BMAL1: variants seen among roughly 807,000 people sequenced by gnomAD.
The protein encoded by BMAL1 is basic helix-loop-helix ARNT-like protein 1.
At chr11:13,334,528 G>GTT in the BMAL1 span, among the ~76,000 whole-genome samples, 1,432 of 145,366 alleles carry the variant, frequency 9.9e-3, 11 homozygotes, top group African/African-American at 0.017. Context: ...GGCTCTTGAT[G>GTT]TTTTTTTTTT....
chr11:13,310,366 C>T, the BMAL1 span, among the ~76,000 whole-genome samples: 20 of 151,908 alleles, frequency 1.3e-4, no homozygotes, highest in African/African-American at 3.9e-4. Context: ...GAAAAAAGTC[C>T]GGGGAGGAGT....
the BMAL1 span, among the ~76,000 whole-genome samples, chr11:13,314,668 T>G: frequency 2.3e-4 from 35 of 152,352 alleles, no homozygotes; most frequent in Non-Finnish European, 4.0e-4. Context: ...ACCTTGGTCC[T>G]GGATGAATCC....
At chr11:13,308,383 A>G in the BMAL1 span, among the ~76,000 whole-genome samples, 9 of 152,284 alleles carry the variant, frequency 5.9e-5, no homozygotes, top group African/African-American at 2.2e-4. Context: ...CCAGGCTTGG[A>G]GAGAAATCTG....
chr11:13,363,670 A>G, the BMAL1 span, among the ~76,000 whole-genome samples: 16 of 152,342 alleles, frequency 1.1e-4, no homozygotes, highest in Admixed American at 9.8e-4. Flanking sequence ...GGATCAGTCA[A>G]CTGTATCAGT....
the BMAL1 span, among the ~76,000 whole-genome samples, chr11:13,311,069 T>C: frequency 9.9e-5 from 15 of 152,244 alleles, no homozygotes; most frequent in Admixed American, 5.9e-4. Flanking sequence ...TTAAGCTTGC[T>C]TGTTTACGGT....
the BMAL1 span, among the ~76,000 whole-genome samples, chr11:13,321,451 G>A: frequency 6.6e-6 from 1 of 152,136 alleles, no homozygotes. Context: ...TTAATATACT[G>A]AATATTATAC....
the BMAL1 span, among the ~76,000 whole-genome samples, chr11:13,335,605 A>C: frequency 6.6e-6 from 1 of 152,232 alleles, no homozygotes; most frequent in African/African-American, 2.4e-5. Context: ...TCTTGTGGGC[A>C]AAACCCTGCT....
chr11:13,279,045 C>T, the BMAL1 span, among the ~76,000 whole-genome samples: 1 of 152,288 alleles, frequency 6.6e-6, no homozygotes, highest in Non-Finnish European at 1.5e-5. Context: ...TCTCGCCGGC[C>T]GGTGAGAGAC....
chr11:13,383,628 T>C, the BMAL1 span, among the ~76,000 whole-genome samples: 1 of 152,122 alleles, frequency 6.6e-6, no homozygotes, highest in Non-Finnish European at 1.5e-5. Context: ...GCAGGCAAAC[T>C]GCTTGAGTCC....
At chr11:13,277,937 C>T in the BMAL1 span, 3 of 151,292 alleles carry the variant, frequency 2.0e-5, no homozygotes, top group Admixed American at 2.0e-4. Flanking sequence ...AGTGTCAGGC[C>T]GGCGGCGGCC....
At chr11:13,286,892 G>T in the BMAL1 span, among the ~76,000 whole-genome samples, 1 of 152,208 alleles carries the variant, frequency 6.6e-6, no homozygotes, top group African/African-American at 2.4e-5. Flanking sequence ...GAATGAGTTT[G>T]CAGGAGAGAG....
the BMAL1 span, among the ~76,000 whole-genome samples, chr11:13,358,886 C>G: frequency 6.6e-6 from 1 of 152,314 alleles, no homozygotes; most frequent in East Asian, 1.9e-4. Context: ...TGATACTGCT[C>G]TGATGTCTCA....
chr11:13,286,864 A>C, the BMAL1 span, among the ~76,000 whole-genome samples: 1 of 152,188 alleles, frequency 6.6e-6, no homozygotes, highest in Non-Finnish European at 1.5e-5. Context: ...ATATAGTTAT[A>C]AGTGCCCTTA....
At chr11:13,303,567 A>G in the BMAL1 span, among the ~76,000 whole-genome samples, 1 of 152,208 alleles carries the variant, frequency 6.6e-6, no homozygotes, top group African/African-American at 2.4e-5. Flanking sequence ...TTCTCTGCAG[A>G]AAAAATTCCA....
At chr11:13,365,407 G>T in the BMAL1 span, 3 of 1,115,776 alleles carry the variant, frequency 2.7e-6, no homozygotes, top group East Asian at 2.6e-5. Context: ...TGCTTTGGAT[G>T]CTTAGAAAGC....
chr11:13,317,060 G>A, the BMAL1 span, among the ~76,000 whole-genome samples: 1 of 152,146 alleles, frequency 6.6e-6, no homozygotes, highest in African/African-American at 2.4e-5. Context: ...TGTGAGAGTG[G>A]AATGAAGATG....
chr11:13,372,063 A>G, the BMAL1 span: 15 of 1,479,534 alleles, frequency 1.0e-5, no homozygotes, highest in East Asian at 3.0e-4. Context: ...ATTTTTTTTT[A>G]TTTTTTGACT....
chr11:13,364,258 C>T, the BMAL1 span, among the ~76,000 whole-genome samples: 1 of 152,198 alleles, frequency 6.6e-6, no homozygotes, highest in African/African-American at 2.4e-5. Flanking sequence ...GCTTAGGGAC[C>T]TAACTTAGGA....
At chr11:13,307,237 A>G in the BMAL1 span, among the ~76,000 whole-genome samples, 1 of 152,238 alleles carries the variant, frequency 6.6e-6, no homozygotes, top group Admixed American at 6.5e-5. Flanking sequence ...GGAACTCTTC[A>G]TGGAGATTAA....
Sources: gnomAD v4.1 joint callset for allele counts (sites outside exome capture counted in the v4.1 genomes callset) on GRCh38, gnomAD v4.1.1 for gene constraint, MANE v1.5 for transcripts, NCBI Gene and HGNC (gene_info 2026-07-23, HGNC 2026-07-21) for gene names.